Variants in AP3M1 observed in about 807,000 individuals in gnomAD.
The protein encoded by AP3M1 is AP-3 complex subunit mu-1.
A neutral mutation model predicts 42.6 loss-of-function variants in AP3M1; 29 were observed. That is an observed-to-expected ratio of 0.68 (90% CI 0.51 to 0.93). AP3M1 has a LOEUF of 0.93. AP3M1 is among the 40% of genes least tolerant of loss of function. The pLI is 0.00. For synonymous variants in AP3M1, 178 were observed against 175.3 expected (o/e 1.02, Z -0.12); for missense variants, 416 against 510.2 (o/e 0.82, Z 1.78).
chr10:74,140,542 G>A (rs1261388490), intron 1 of AP3M1, among the ~76,000 whole-genome samples: 3 of 151,420 alleles, frequency 2.0e-5, no homozygotes, highest in Admixed American at 2.0e-4. Flanking sequence ...TATGAAACAA[G>A]AATTGGGGGG....
intron 1 of AP3M1, among the ~76,000 whole-genome samples, chr10:74,139,208 C>T (rs1446843434): frequency 6.6e-6 from 1 of 151,712 alleles, no homozygotes; most frequent in Non-Finnish European, 1.5e-5. Flanking sequence ...CCTAAGGAAT[C>T]CACACACACA....
intron 8 of AP3M1, 22 bp downstream of exon 8, chr10:74,124,358 T>C: frequency 1.3e-6 from 2 of 1,583,192 alleles, no homozygotes; most frequent in Non-Finnish European, 1.7e-6. Context: ...TACCCTTAAC[T>C]ACAAGTCAAC....
At chr10:74,147,357 C>T (rs1841363487) in intron 1 of AP3M1, among the ~76,000 whole-genome samples, 2 of 152,170 alleles carry the variant, frequency 1.3e-5, no homozygotes, top group Admixed American at 1.3e-4. Context: ...TCCTTAATGC[C>T]TGCTAAGGAG....
intron 6 of AP3M1, 25 bp downstream of exon 6, chr10:74,129,083 G>T: frequency 1.2e-6 from 2 of 1,612,906 alleles, no homozygotes; most frequent in South Asian, 2.2e-5. Flanking sequence ...TATGATGGCA[G>T]ATTCTGGCTG....
chr10:74,123,715 C>CTAGA lies in AP3M1; in HGVS notation c.*91_*94dup. The CTAGA allele has an allele frequency of 1.1e-6, 1 of 926,492 alleles. No homozygotes were observed. Among genetic ancestry groups the CTAGA allele is most frequent in the Non-Finnish European group, 1.8e-6 (1 of 567,264 alleles). The allele number at this position is 926,492 out of a possible 1,614,324, so 57.4% of individuals were successfully genotyped here. A position where few individuals can be genotyped will look rare whatever the true frequency, so the allele number is the denominator to read the frequency against. On this transcript the variant is annotated 3_prime_UTR_variant, in exon 9 of 9. Coordinates refer to ENST00000355264, the MANE Select transcript of AP3M1 (RefSeq NM_012095.6). ...GTGTAGCTAGACACAAATGCTTTAA[C>CTAGA]TAGAATATGTATTCCCACTCACTTG...
intron 4 of AP3M1, among the ~76,000 whole-genome samples, chr10:74,130,214 G>C (rs1272454842): frequency 6.6e-6 from 1 of 151,144 alleles, no homozygotes; most frequent in Non-Finnish European, 1.5e-5. Context: ...GAATATAGGT[G>C]CGTGCCATGA....
chr10:74,147,452 T>C (rs1243730863), intron 1 of AP3M1, among the ~76,000 whole-genome samples: 2 of 152,320 alleles, frequency 1.3e-5, no homozygotes, highest in East Asian at 3.9e-4. Context: ...TTTTCAACTG[T>C]AAATTGACAA....
chr10:74,144,062 C>T (rs770972282), intron 1 of AP3M1, among the ~76,000 whole-genome samples: 9 of 152,060 alleles, frequency 5.9e-5, no homozygotes, highest in Non-Finnish European at 1.3e-4. Flanking sequence ...CCCAGGTTCA[C>T]ACCATTCTCC....
chr10:74,135,327 C>G (rs1840910407), intron 3 of AP3M1, among the ~76,000 whole-genome samples: 1 of 152,128 alleles, frequency 6.6e-6, no homozygotes, highest in Non-Finnish European at 1.5e-5. Context: ...GGAGAATGCT[C>G]TTATTCCTTC....
intron 1 of AP3M1, among the ~76,000 whole-genome samples, chr10:74,140,591 A>G (rs541753698): frequency 6.6e-6 from 1 of 151,422 alleles, no homozygotes; most frequent in Non-Finnish European, 1.5e-5. Context: ...AGATTGAAAA[A>G]ATATATATAT....
rs1189892100 is a variant in AP3M1 at position 74,121,467 on chromosome 10, T to C, written c.*2343A>G. The C allele has an allele frequency of 6.6e-6, 1 of 152,228 alleles. No homozygotes were observed. The highest frequency in any genetic ancestry group is 2.4e-5 in the African/African-American group (1 of 41,460). 9.4% of individuals were successfully genotyped at this position (152,228 alleles called of 1,614,324 possible). A position where few individuals can be genotyped will look rare whatever the true frequency, so the allele number is the denominator to read the frequency against. ...CTGTAACTCTGTGCTTGAAAAATAT[T>C]TTACTACTACTAAGTATTCAGAAAT... On this transcript the variant is annotated 3_prime_UTR_variant, in exon 9 of 9. Coordinates refer to ENST00000355264, the MANE Select transcript of AP3M1 (RefSeq NM_012095.6).
At chr10:74,127,068 G>A (rs1170128538) in intron 6 of AP3M1, among the ~76,000 whole-genome samples, 3 of 149,436 alleles carry the variant, frequency 2.0e-5, no homozygotes, top group Admixed American at 6.7e-5. Context: ...TATTTACACA[G>A]TGTTTACAGT....
In AP3M1 at chr10:74,124,520, AG is replaced by A; in HGVS notation, c.1015del (p.Leu339Ter). On this transcript the variant is annotated frameshift_variant, in exon 8 of 9. Coordinates refer to ENST00000355264, the MANE Select transcript of AP3M1 (RefSeq NM_012095.6). LOFTEE classifies it high-confidence loss of function. ...AGTAATTTTTCCCACATCCCATGTTAGTACCTTAAAAAGACAAAAAATGAAA... is the reference window on the plus strand; with the variant it reads ...AGTAATTTTTCCCACATCCCATGTTATACCTTAAAAAGACAAAAAATGAAA... ...SYTFDPVTKV[L>X]TWDVGKITPQ... 1 of 1,586,516 alleles carries A rather than the reference AG, an allele frequency of 6.3e-7. No individual in the cohort carries two copies. Among genetic ancestry groups the A allele is most frequent in the Non-Finnish European group, 8.5e-7 (1 of 1,171,868 alleles).
chr10:74,139,006 G>C (rs1436794490), intron 1 of AP3M1: 1 of 149,994 alleles, frequency 6.7e-6, no homozygotes, highest in African/African-American at 2.5e-5. Flanking sequence ...ATATTTAAAG[G>C]TGAAAGACCG....
intron 3 of AP3M1, among the ~76,000 whole-genome samples, 168 bp from the exon 4 acceptor site, chr10:74,134,332 T>C (rs1210225339): frequency 6.6e-6 from 1 of 152,220 alleles, no homozygotes; most frequent in African/African-American, 2.4e-5. Context: ...ATCAAATTTC[T>C]AGAAAAGAAA....
At chr10:74,127,280 T>C (rs10824077) in intron 6 of AP3M1, among the ~76,000 whole-genome samples, 25,078 of 152,052 alleles carry the variant, frequency 0.16, 2,365 homozygotes, top group African/African-American at 0.26. Context: ...TACAGCATAA[T>C]GTTCTTGTAC....
At chr10:74,124,328 A>G in intron 8 of AP3M1, 52 bp downstream of exon 8, 1 of 1,558,902 alleles carries the variant, frequency 6.4e-7, no homozygotes, top group Non-Finnish European at 8.6e-7. Flanking sequence ...TGCCTAATAA[A>G]TGAGCTTGCA....
In AP3M1 at chr10:74,134,175, AAAAAGGAGAAGGC is replaced by A; in HGVS notation, c.446-24_446-12del. 6.2e-7 allele frequency: 1 copy of A among 1,611,306 alleles called. No individual in the cohort carries two copies. Among genetic ancestry groups the A allele is most frequent in the East Asian group, 2.2e-5 (1 of 44,854 alleles). ...CAACATTACTACTGCCTAGAAACCA[AAAAAGGAGAAGGC>A]AAAGCTGATGTATAAAACAGTCATG... On this transcript the variant is annotated splice_polypyrimidine_tract_variant and intron_variant, in intron 3 of 8. Coordinates refer to ENST00000355264, the MANE Select transcript of AP3M1 (RefSeq NM_012095.6).
At chr10:74,130,487 C>A (rs1361929171) in intron 4 of AP3M1, among the ~76,000 whole-genome samples, 4 of 151,312 alleles carry the variant, frequency 2.6e-5, no homozygotes, top group Non-Finnish European at 5.9e-5. Flanking sequence ...TGCTCTGTCA[C>A]CCAGGCTGGA....
Sources: allele counts gnomAD v4.1 joint callset (sites outside exome capture counted in the v4.1 genomes callset), GRCh38; gene constraint gnomAD v4.1.1; transcripts MANE v1.5; gene names NCBI Gene and HGNC (gene_info 2026-07-23, HGNC 2026-07-21).